Variants in CUX1 observed in about 807,000 individuals in gnomAD.
CUX1 encodes cut like homeobox 1.
Under a neutral mutation model 158.8 loss-of-function variants are expected in CUX1, and 31 were observed. The ratio of observed to expected loss-of-function variants is 0.20; its 90% CI spans 0.15 to 0.26. The LOEUF (loss-of-function observed/expected upper bound fraction) is 0.26, where lower values mean the gene tolerates loss of function less well. CUX1 is among the 10% of genes least tolerant of loss of function. The probability of loss-of-function intolerance (pLI) is 1.00; values close to 1 mark genes in which losing one functional copy is unlikely to be tolerated. For missense variants in CUX1, 1,589 were observed against 2,014.6 expected (o/e 0.79, Z 4.04); for synonymous variants, 879 against 862.1 (o/e 1.02, Z -0.34).
rs1799253081 is a variant in CUX1, at chr7:101,877,379, TGG to T, written c.31-38735_31-38734del. Among the ~76,000 whole-genome samples, 10 of 152,328 alleles carry T rather than the reference TGG, an allele frequency of 6.6e-5. No homozygotes were observed. In the East Asian group the frequency reaches 1.7e-3, roughly 26 times the overall value. On this transcript the variant is annotated intron_variant, in intron 1 of 23. Coordinates refer to ENST00000292535, the MANE Select transcript of CUX1 (RefSeq NM_181552.4). Reference sequence around the variant, plus strand: ...CATGCCATGCACACTCTTGTGCAAGTGGCTTTTTATTTTTTAAAATTAACAGG... The same window carrying T: ...CATGCCATGCACACTCTTGTGCAAGTCTTTTTATTTTTTAAAATTAACAGG...
Position 101,880,788 on chromosome 7 carries a change from C to T in CUX1, c.31-35327C>T, listed in dbSNP as rs534307254. On this transcript the variant is annotated intron_variant, in intron 1 of 23. Coordinates refer to ENST00000292535, the MANE Select transcript of CUX1 (RefSeq NM_181552.4). ...GGTTTTGGAAAGACGGTGGGGTTCA[C>T]GTGATGAAACACAGGCCATGACCCC... 2.6e-5 allele frequency among the ~76,000 whole-genome samples: 4 copies of T among 152,288 alleles called. No individual in the cohort carries two copies. In the East Asian group the frequency reaches 7.7e-4, roughly 29 times the overall value.
At position 102,217,726 on chromosome 7, in the gene CUX1, G is replaced by A. The variant is rs374828556; in HGVS notation, c.3131-9641G>A. On this transcript the variant is annotated intron_variant, in intron 20 of 23. Coordinates refer to ENST00000292535, the MANE Select transcript of CUX1 (RefSeq NM_181552.4). ...AGAGGGAGGGAGGATCTGGATGGAC[G>A]TGATGGTGTCTAGAGGGAGGGAGGC... 5.4e-5 allele frequency among the ~76,000 whole-genome samples: 8 copies of A among 149,314 alleles called. No individual in the cohort carries two copies. The East Asian group carries it at 6.0e-4, about 11-fold the overall frequency.
Position 102,254,063 on chromosome 7 carries a change from C to T in CUX1, c.*5021C>T, listed in dbSNP as rs1239009827. 4.1e-6 allele frequency: 4 copies of T among 985,354 alleles called. No homozygotes were observed. Among genetic ancestry groups the T allele is most frequent in the African/African-American group, 3.5e-5 (2 of 57,222 alleles). 61.0% of individuals were successfully genotyped at this position (985,354 alleles called of 1,614,324 possible). A position where few individuals can be genotyped will look rare whatever the true frequency, so the allele number is the denominator to read the frequency against. On this transcript the variant is annotated 3_prime_UTR_variant, in exon 24 of 24. Transcript: ENST00000292535. ...ACGAACATCCCTCTGCCTGGTGGGC[C>T]GGCTTTGTGTGTCTCTCCTTTTGTG...
chr7:102,233,995 C>A, intron 21 of CUX1, 57 bp from the exon 22 acceptor site: 1 of 1,344,894 alleles, frequency 7.4e-7, no homozygotes, highest in Non-Finnish European at 9.8e-7. Context: ...CGTACTTGTC[C>A]CTTCAGATCC....
At position 102,282,938 on chromosome 7, in the gene CUX1, CT is replaced by C. The variant is rs1288518410; in HGVS notation, c.1968-82del. On this transcript the variant is annotated intron_variant, in intron 22 of 22. Coordinates refer to the CUX1 transcript ENST00000292538. ...CCCTACTCCCGGTATCCACTACCCC[CT>C]AGCCCCACCCCATCACATGGTACAC... is the stretch of plus-strand genomic sequence containing the variant. 3.9e-6 allele frequency: 4 copies of C among 1,027,682 alleles called. No homozygotes were observed. In the Admixed American group the frequency reaches 5.8e-5, roughly 15 times the overall value. The allele number at this position is 1,027,682 out of a possible 1,614,324, so 63.7% of individuals were successfully genotyped here.
At chr7:101,965,995 G>A (rs897697558) in intron 2 of CUX1, among the ~76,000 whole-genome samples, 15 of 152,080 alleles carry the variant, frequency 9.9e-5, no homozygotes, top group Non-Finnish European at 1.3e-4. Flanking sequence ...GGAGAAATTA[G>A]AACAGTGGGT....
intron 9 of CUX1, among the ~76,000 whole-genome samples, chr7:102,160,265 T>A (rs1554506659): frequency 2.6e-5 from 4 of 151,956 alleles, no homozygotes; most frequent in African/African-American, 9.7e-5. Flanking sequence ...ACTCCACCTC[T>A]CTCCTCAAGG....
intron 4 of CUX1, among the ~76,000 whole-genome samples, chr7:102,092,912 CAAAAAAAAAA>C (rs60587564): frequency 5.3e-5 from 4 of 74,924 alleles, no homozygotes; most frequent in African/African-American, 1.9e-4. Flanking sequence ...GACTCCGTCT[CAAAAAAAAAA>C]AAAAAAAAAA....
At chr7:102,148,840 C>G (rs1743067565) in intron 8 of CUX1, among the ~76,000 whole-genome samples, 1 of 151,494 alleles carries the variant, frequency 6.6e-6, no homozygotes, top group South Asian at 2.1e-4. Context: ...TCCCTCACCC[C>G]CCTCCCACCC....
chr7:102,192,144 C>T (rs1160433069), intron 12 of CUX1, among the ~76,000 whole-genome samples: 1 of 152,190 alleles, frequency 6.6e-6, no homozygotes, highest in Admixed American at 6.5e-5. Flanking sequence ...TTCTCAGCAT[C>T]GTCCCATTTC....
intron 1 of CUX1, among the ~76,000 whole-genome samples, chr7:101,865,129 G>C (rs536414428): frequency 1.2e-4 from 19 of 152,170 alleles, no homozygotes; most frequent in Non-Finnish European, 1.3e-4. Context: ...AGATAGAAGA[G>C]GAGCCTGGGG....
chr7:102,095,966 C>T (rs1829133677), intron 4 of CUX1, among the ~76,000 whole-genome samples: 1 of 152,238 alleles, frequency 6.6e-6, no homozygotes, highest in African/African-American at 2.4e-5. Context: ...CATTTAAGGT[C>T]TCTCTATCCT....
chr7:102,190,026 C>T (rs1794109810), intron 12 of CUX1, among the ~76,000 whole-genome samples, 155 bp downstream of exon 12: 1 of 152,260 alleles, frequency 6.6e-6, no homozygotes, highest in Admixed American at 6.5e-5. Flanking sequence ...TGCATGGTGT[C>T]CTGGGCTACC....
chr7:102,044,971 G>A (rs527923163), intron 3 of CUX1, among the ~76,000 whole-genome samples: 1 of 152,256 alleles, frequency 6.6e-6, no homozygotes, highest in East Asian at 1.9e-4. Flanking sequence ...ATGTCTGTCC[G>A]CAGGCTCTTG....
chr7:102,260,102 GA>G (rs1412826601), downstream of CUX1, among the ~76,000 whole-genome samples: 97 of 90,760 alleles, frequency 1.1e-3, no homozygotes, highest in Middle Eastern at 9.6e-3. Flanking sequence ...ATCTTGGGGG[GA>G]AAAAAAAAAA....
At chr7:102,016,160 C>A (rs1239833309) in intron 2 of CUX1, among the ~76,000 whole-genome samples, 1 of 152,162 alleles carries the variant, frequency 6.6e-6, no homozygotes, top group Non-Finnish European at 1.5e-5. Flanking sequence ...GTTGCCCAGG[C>A]TGGTGTTGAG....
At chr7:101,821,679 T>TTC in intron 1 of CUX1, among the ~76,000 whole-genome samples, 1 of 104,086 alleles carries the variant, frequency 9.6e-6, no homozygotes, top group African/African-American at 3.8e-5. Flanking sequence ...TTCTTTTTTT[T>TTC]TTTTTTTTTT....
chr7:101,907,164 G>C (rs1044880404), intron 1 of CUX1, among the ~76,000 whole-genome samples: 3 of 152,096 alleles, frequency 2.0e-5, no homozygotes, highest in Non-Finnish European at 4.4e-5. Flanking sequence ...AAACATGAAC[G>C]TTCACTTTGG....
chr7:102,203,957 C>T (rs1267514495), intron 18 of CUX1, among the ~76,000 whole-genome samples: 3 of 152,212 alleles, frequency 2.0e-5, no homozygotes, highest in Admixed American at 6.5e-5. Context: ...ACACCAGCTT[C>T]GCCAGTCCCA....
Sources: allele counts gnomAD v4.1 joint callset (sites outside exome capture counted in the v4.1 genomes callset), GRCh38; gene constraint gnomAD v4.1.1; transcripts MANE v1.5; gene names NCBI Gene and HGNC (gene_info 2026-07-23, HGNC 2026-07-21).